Variants in ABCC1 observed in about 807,000 individuals in gnomAD.
ABCC1 encodes ATP binding cassette subfamily C member 1 (ABCC1 blood group), also known as multidrug resistance-associated protein 1.
A neutral mutation model predicts 172.9 loss-of-function variants in ABCC1; 83 were observed. That is an observed-to-expected ratio of 0.48 (90% CI 0.40 to 0.58). The LOEUF (loss-of-function observed/expected upper bound fraction) is 0.58. ABCC1 is among the 20% of genes least tolerant of loss of function. ABCC1 has a pLI of 0.00. For synonymous variants in ABCC1, 937 were observed against 825.2 expected, an observed-to-expected ratio of 1.14 and a Z score of -2.32; for missense variants, 1,817 against 2,002.7, an observed-to-expected ratio of 0.91 and a Z score of 1.77.
At chr16:16,104,310 A>G (rs111626331) in intron 20 of ABCC1, among the ~76,000 whole-genome samples, 16 of 152,252 alleles carry the variant, frequency 1.1e-4, no homozygotes, top group African/African-American at 3.9e-4. Context: ...CATTTTACAG[A>G]GAGCCGATTG....
intron 28 of ABCC1, among the ~76,000 whole-genome samples, chr16:16,135,911 G>A (rs45608742): frequency 9.9e-5 from 15 of 152,110 alleles, no homozygotes; most frequent in Admixed American, 1.3e-4. Flanking sequence ...CCTGTGCTGC[G>A]TCTCATTTCT....
chr16:15,954,646 C>G lies in ABCC1; in HGVS notation c.48+4847C>G, dbSNP rs896516719. ...AGGGTTCCTTGGCCAAATGGAGCCA[C>G]TGCAGCCACAGGGGCCCTGCAGAAG... On this transcript the variant is annotated intron_variant, in intron 1 of 30. Coordinates refer to ENST00000399410, the MANE Select transcript of ABCC1 (RefSeq NM_004996.4). Among the ~76,000 whole-genome samples, 184 of 152,286 alleles carry G rather than the reference C, an allele frequency of 1.2e-3. 2 individuals carry two copies. The highest frequency in any genetic ancestry group is 6.2e-4 in the South Asian group (3 of 4,824).
rs760314254 is a variant in ABCC1 at position 16,111,352 on chromosome 16, GC to G, written c.2872-21del. On this transcript the variant is annotated intron_variant, in intron 21 of 30. Coordinates refer to ENST00000399410, the MANE Select transcript of ABCC1 (RefSeq NM_004996.4). ...GCTGGGTGCGTGCATGTGCTAAGCT[GC>G]CTTATCTCCTGTGATCTCCAGGTCA... The G allele has an allele frequency of 1.9e-6, 3 of 1,610,688 alleles. No individual in the cohort carries two copies. The Admixed American group carries it at 5.0e-5, about 27-fold the overall frequency.
At chr16:16,103,294 A>T (rs2051858341) in intron 20 of ABCC1, among the ~76,000 whole-genome samples, 1 of 152,114 alleles carries the variant, frequency 6.6e-6, no homozygotes, top group Non-Finnish European at 1.5e-5. Context: ...AAACTGGCTA[A>T]GTCGGCCAGG....
At chr16:16,070,634 C>T (rs2151956901) in intron 13 of ABCC1, among the ~76,000 whole-genome samples, 1 of 152,312 alleles carries the variant, frequency 6.6e-6, no homozygotes, top group East Asian at 1.9e-4. Context: ...CACTGCACTC[C>T]AGCCTGGGTG....
chr16:16,071,006 G>T (rs1490694973), intron 13 of ABCC1, among the ~76,000 whole-genome samples: 1 of 152,252 alleles, frequency 6.6e-6, no homozygotes. Flanking sequence ...GTTTGAATTG[G>T]CTCTGTTGCA....
chr16:15,950,617 TGTG>T (rs1450539443), intron 1 of ABCC1, among the ~76,000 whole-genome samples: 2 of 152,346 alleles, frequency 1.3e-5, no homozygotes, highest in Admixed American at 6.5e-5. Context: ...GTCCACTTGC[TGTG>T]GTTTAAGCCC....
At chr16:16,137,934 G>A (rs1342689238) in intron 29 of ABCC1, among the ~76,000 whole-genome samples, 5 of 151,452 alleles carry the variant, frequency 3.3e-5, no homozygotes, top group East Asian at 1.9e-4. Context: ...GATTGATCTC[G>A]GACTCTAACT....
At chr16:16,131,474 T>C (rs1185799111) in intron 26 of ABCC1, among the ~76,000 whole-genome samples, 1 of 151,906 alleles carries the variant, frequency 6.6e-6, no homozygotes, top group East Asian at 1.9e-4. Context: ...GATGGTGCAG[T>C]GGGTGTGGGA....
intron 3 of ABCC1, 134 bp downstream of exon 3, chr16:16,010,035 GC>G (rs1464549910): frequency 1.6e-5 from 2 of 121,852 alleles, no homozygotes; most frequent in Non-Finnish European, 2.6e-5. Flanking sequence ...ATTAAATGTA[GC>G]CTTTTTTTTT....
intron 22 of ABCC1, among the ~76,000 whole-genome samples, chr16:16,113,664 A>G (rs2044722088): frequency 6.6e-6 from 1 of 152,148 alleles, no homozygotes; most frequent in African/African-American, 2.4e-5. Flanking sequence ...ATCTCAAAAG[A>G]AAAATAAAAT....
At position 16,125,915 on chromosome 16, in the gene ABCC1, G is replaced by C; in HGVS notation, c.3819+4G>C. ...GTATTCAGAGACTGAGAAGGAGGTAGGCAAGGGCCCCTGGCTGGACCTCTT... is the reference window on the plus strand; with the variant it reads ...GTATTCAGAGACTGAGAAGGAGGTACGCAAGGGCCCCTGGCTGGACCTCTT... On this transcript the variant is annotated splice_donor_region_variant and intron_variant, in intron 26 of 30. Coordinates refer to ENST00000399410, the MANE Select transcript of ABCC1 (RefSeq NM_004996.4). 1 of 1,612,016 alleles carries C rather than the reference G, an allele frequency of 6.2e-7. No individual in the cohort carries two copies. The highest frequency in any genetic ancestry group is 8.5e-7 in the Non-Finnish European group (1 of 1,178,350).
At chr16:16,027,745 C>T (rs1293382042) in intron 5 of ABCC1, among the ~76,000 whole-genome samples, 1 of 151,946 alleles carries the variant, frequency 6.6e-6, no homozygotes. Flanking sequence ...CCTGGGAGGT[C>T]GAGGCTGCAA....
chr16:16,091,823 CA>C (rs1476645655), intron 19 of ABCC1, among the ~76,000 whole-genome samples: 2 of 152,224 alleles, frequency 1.3e-5, no homozygotes, highest in Non-Finnish European at 2.9e-5. Flanking sequence ...GGATACACAG[CA>C]GCTGCTGGCA....
intron 9 of ABCC1, among the ~76,000 whole-genome samples, chr16:16,047,167 C>T (rs748438252): frequency 3.3e-5 from 5 of 152,112 alleles, no homozygotes; most frequent in African/African-American, 1.2e-4. Flanking sequence ...CCCTGCATTC[C>T]GGCCTGTGTG....
rs748709613 is a variant in ABCC1, at chr16:16,131,917, G to A, written c.3948G>A (p.Thr1316=). 23 of 1,613,816 alleles carry A rather than the reference G, an allele frequency of 1.4e-5. No individual in the cohort carries two copies. The South Asian group carries it at 1.5e-4, about 11-fold the overall frequency. Residue 1316 remains threonine (T), a synonymous_variant, in exon 27 of 31, where the codon ACG becomes ACA. Coordinates refer to ENST00000399410, the MANE Select transcript of ABCC1 (RefSeq NM_004996.4). ...LDFVLRHINV[T]INGGEKVGIV... ...TCGTTCTCAGGCACATCAATGTCAC[G>A]ATCAATGGGGGAGAAAAGGTGGGTA...
intron 15 of ABCC1, among the ~76,000 whole-genome samples, chr16:16,076,666 AGGAGATTCTT>A (rs1195551214): frequency 2.0e-5 from 3 of 152,192 alleles, no homozygotes; most frequent in Non-Finnish European, 4.4e-5. Flanking sequence ...TAGACAATAC[AGGAGATTCTT>A]GGCTTGCGTA....
intron 14 of ABCC1, among the ~76,000 whole-genome samples, chr16:16,075,470 C>CA (rs994298230): frequency 2.0e-4 from 30 of 148,340 alleles, no homozygotes; most frequent in East Asian, 4.0e-4. Context: ...ACAAAAAATA[C>CA]AAAAAAAAAA....
At chr16:16,025,884 G>A (rs1567325105) in intron 5 of ABCC1, among the ~76,000 whole-genome samples, 1 of 152,166 alleles carries the variant, frequency 6.6e-6, no homozygotes, top group Non-Finnish European at 1.5e-5. Context: ...TTCACAAGCT[G>A]CTTTCATGCT....
Sources: gnomAD v4.1 joint callset for allele counts (sites outside exome capture counted in the v4.1 genomes callset) on GRCh38, gnomAD v4.1.1 for gene constraint, MANE v1.5 for transcripts, NCBI Gene and HGNC (gene_info 2026-07-23, HGNC 2026-07-21) for gene names.